Variants in JAKMIP2 observed in about 807,000 individuals in gnomAD.
The protein encoded by JAKMIP2 is janus kinase and microtubule interacting protein 2.
JAKMIP2 carries 25 observed loss-of-function variants against 115.0 expected under a neutral mutation model. That is an observed-to-expected ratio of 0.22 (90% CI 0.16 to 0.30). The LOEUF is 0.30. Among genes scored for constraint, JAKMIP2 ranks in the 10% least tolerant of loss-of-function variants. The pLI, the probability that JAKMIP2 is intolerant of heterozygous loss-of-function variation, is 1.00. For synonymous variants in JAKMIP2, 334 were observed against 343.6 expected, an observed-to-expected ratio of 0.97 and a Z score of 0.31; for missense variants, 642 against 957.6, an observed-to-expected ratio of 0.67 and a Z score of 4.35.
At chr5:147,620,325 C>T (rs769097029) in intron 18 of JAKMIP2, among the ~76,000 whole-genome samples, 7 of 152,024 alleles carry the variant, frequency 4.6e-5, no homozygotes, top group Admixed American at 3.3e-4. Context: ...ATGTTGCTCA[C>T]GCTGGTCTTG....
chr5:147,594,536 G>C (rs1234398972), intron 21 of JAKMIP2: 2 of 394,030 alleles, frequency 5.1e-6, no homozygotes, highest in African/African-American at 4.1e-5. Context: ...ATTTCACCAT[G>C]TTTCCCAGGC....
chr5:147,661,378 T>A lies in JAKMIP2; in HGVS notation c.197A>T (p.His66Leu). 1 of 1,614,098 alleles carries A rather than the reference T, an allele frequency of 6.2e-7. No homozygotes were observed. Among genetic ancestry groups the A allele is most frequent in the Non-Finnish European group, 8.5e-7 (1 of 1,180,002 alleles). Residue 66 changes from histidine (H) to leucine (L), a missense_variant, in exon 3 of 22, where the codon CAC becomes CTC. His to Leu is a moderately conservative substitution (Grantham distance 99). Transcript: ENST00000616793. ...KRIRELEQRK[H>L]TVLVTELKAK... ...TTTGAGTTCTGTCACCAGCACCGTG[T>A]GCTTGCGCTGCTCCAGCTCACGAAT...
chr5:147,600,114 TG>T (rs1375483899), intron 21 of JAKMIP2, among the ~76,000 whole-genome samples: 1 of 60,888 alleles, frequency 1.6e-5, no homozygotes, highest in Non-Finnish European at 3.4e-5. Context: ...TTTTTTTTGG[TG>T]GGGGGAGGCT....
At chr5:147,698,742 C>A (rs1237692341) in intron 1 of JAKMIP2, among the ~76,000 whole-genome samples, 1 of 152,162 alleles carries the variant, frequency 6.6e-6, no homozygotes, top group Non-Finnish European at 1.5e-5. Flanking sequence ...TGAGGCCTCC[C>A]TAGCCATGTG....
intron 1 of JAKMIP2, among the ~76,000 whole-genome samples, chr5:147,685,594 C>T (rs1169845235): frequency 6.6e-6 from 1 of 152,128 alleles, no homozygotes; most frequent in Non-Finnish European, 1.5e-5. Context: ...TTTGTTTTTA[C>T]AGAAATCATA....
intron 5 of JAKMIP2, among the ~76,000 whole-genome samples, chr5:147,648,030 CAGA>C (rs1427319287): frequency 1.3e-5 from 2 of 151,986 alleles, no homozygotes; most frequent in African/African-American, 4.8e-5. Context: ...GTGAAAGAAG[CAGA>C]AGAAGTCAGA....
intron 5 of JAKMIP2, 44 bp from the exon 6 acceptor site, chr5:147,645,040 C>G: frequency 1.2e-6 from 2 of 1,601,124 alleles, no homozygotes; most frequent in East Asian, 4.5e-5. Flanking sequence ...GTTTGGGGGA[C>G]GTGGGGGCAG....
At chr5:147,716,272 CT>C (rs1752990824) in intron 1 of JAKMIP2, among the ~76,000 whole-genome samples, 1 of 118,818 alleles carries the variant, frequency 8.4e-6, no homozygotes, top group Non-Finnish European at 1.7e-5. Flanking sequence ...GGTTCCAAGT[CT>C]TTGCTATTGT....
rs1348385985 is a variant in JAKMIP2, at chr5:147,719,756, TG to T, written c.-148-47803del. Among the ~76,000 whole-genome samples, 47 of 151,472 alleles carry T rather than the reference TG, an allele frequency of 3.1e-4. 1 individual carries two copies. Among genetic ancestry groups the T allele is most frequent in the African/African-American group, 1.0e-3 (42 of 41,100 alleles). On this transcript the variant is annotated intron_variant, in intron 1 of 21. Transcript: ENST00000616793. ...CCTATGTGTGTCTCTGCATGTGAGA[TG>T]GGTTTCCTGAACACAGCACACTGAT...
rs534584724 is a variant in JAKMIP2, at chr5:147,587,921, C to A, written c.*3786G>T. On this transcript the variant is annotated 3_prime_UTR_variant, in exon 22 of 22. Coordinates refer to ENST00000616793, the MANE Select transcript of JAKMIP2 (RefSeq NM_001270941.2). ...TATGGACTTGGGAAGACACATACAACCTGTATGAGCAGTTATTTGTGGGCC... is the reference window on the plus strand; with the variant it reads ...TATGGACTTGGGAAGACACATACAAACTGTATGAGCAGTTATTTGTGGGCC... 3 of 150,636 alleles carry A rather than the reference C, an allele frequency of 2.0e-5. No individual in the cohort carries two copies. In the East Asian group the frequency reaches 5.8e-4, roughly 29 times the overall value. The allele number at this position is 150,636 out of a possible 1,614,324, so 9.3% of individuals were successfully genotyped here.
At chr5:147,664,768 A>G (rs570279979) in intron 2 of JAKMIP2, among the ~76,000 whole-genome samples, 2 of 152,220 alleles carry the variant, frequency 1.3e-5, no homozygotes, top group East Asian at 3.9e-4. Context: ...AAAGTTGCCA[A>G]TGAGCCATCC....
At chr5:147,628,631 A>C (rs1318562573) in intron 16 of JAKMIP2, 120 bp downstream of exon 16, 2 of 627,758 alleles carry the variant, frequency 3.2e-6, no homozygotes, top group South Asian at 5.7e-5. Context: ...TAAAAATAAA[A>C]TGTGTATTAG....
Position 147,627,678 on chromosome 5 carries a change from T to G in JAKMIP2, c.1995+1073A>C, listed in dbSNP as rs75873190. On this transcript the variant is annotated intron_variant, in intron 16 of 21. Coordinates refer to ENST00000616793, the MANE Select transcript of JAKMIP2 (RefSeq NM_001270941.2). ...ATCTCTAACAGATAAAGCCTTTCTG[T>G]AAAAAAAAAAAAAAAAAAAAAAAAA... Among the ~76,000 whole-genome samples, 558 of 70,328 alleles carry G rather than the reference T, an allele frequency of 7.9e-3. 37 individuals are homozygous for G. The East Asian group carries it at 0.17, about 21-fold the overall frequency. 46.1% of individuals were successfully genotyped at this position (70,328 alleles called of 152,430 possible).
At chr5:147,639,503 C>A (rs1757779855) in intron 10 of JAKMIP2, 129 bp downstream of exon 10, 3 of 1,065,892 alleles carry the variant, frequency 2.8e-6, no homozygotes, top group Admixed American at 5.2e-5. Context: ...AAAGCTATAA[C>A]AATTCAAAAG....
chr5:147,669,446 A>G (rs1759469588), intron 2 of JAKMIP2, among the ~76,000 whole-genome samples: 1 of 152,218 alleles, frequency 6.6e-6, no homozygotes, highest in Admixed American at 6.5e-5. Flanking sequence ...GCCAGGCCCA[A>G]GATAAACAGG....
intron 1 of JAKMIP2, among the ~76,000 whole-genome samples, chr5:147,721,138 G>A (rs886211101): frequency 2.0e-5 from 3 of 151,840 alleles, no homozygotes; most frequent in Admixed American, 6.6e-5. Context: ...CCTGCTGGGG[G>A]GTGCCTCCCA....
At chr5:147,765,434 T>G (rs112902398) in intron 1 of JAKMIP2, among the ~76,000 whole-genome samples, 3,111 of 152,236 alleles carry the variant, frequency 0.02, 111 homozygotes, top group African/African-American at 0.07. Flanking sequence ...AGGACAGCCC[T>G]GCTGGTCTTC....
intron 21 of JAKMIP2, among the ~76,000 whole-genome samples, chr5:147,600,558 T>C (rs902890234): frequency 6.6e-6 from 1 of 152,170 alleles, no homozygotes; most frequent in Non-Finnish European, 1.5e-5. Flanking sequence ...AGAGTTGACA[T>C]GAACCATGAT....
intron 12 of JAKMIP2, among the ~76,000 whole-genome samples, chr5:147,633,376 A>G (rs1757460610): frequency 6.6e-6 from 1 of 152,122 alleles, no homozygotes; most frequent in Middle Eastern, 3.2e-3. Context: ...TACCCAATGA[A>G]CTGACTACTC....
Sources: gnomAD v4.1 joint callset for allele counts (sites outside exome capture counted in the v4.1 genomes callset) on GRCh38, gnomAD v4.1.1 for gene constraint, MANE v1.5 for transcripts, NCBI Gene and HGNC (gene_info 2026-07-23, HGNC 2026-07-21) for gene names.